Variants in LYPD6 observed in about 807,000 individuals in gnomAD.
The protein encoded by LYPD6 is LY6/PLAUR domain containing 6, also known as ly6/PLAUR domain-containing protein 6.
A neutral mutation model predicts 22.7 loss-of-function variants in LYPD6; 15 were observed. The observed-to-expected ratio is 0.66, with a 90% confidence interval of 0.44 to 1.02. LYPD6 has a LOEUF of 1.02. Ranked by LOEUF, LYPD6 falls within the 50% of genes least tolerant of loss-of-function variation. The pLI is 0.00. For synonymous variants in LYPD6, 72 were observed against 77.5 expected (o/e 0.93, Z 0.37); for missense variants, 189 against 208.4 (o/e 0.91, Z 0.57).
intron 1 of LYPD6, among the ~76,000 whole-genome samples, chr2:149,363,044 G>A (rs1235783483): frequency 1.3e-5 from 2 of 152,060 alleles, no homozygotes; most frequent in African/African-American, 4.8e-5. Flanking sequence ...AGAAGTATGG[G>A]GGCAGGTCAG....
At chr2:149,331,888 A>G (rs550371998) in intron 1 of LYPD6, among the ~76,000 whole-genome samples, 2 of 152,328 alleles carry the variant, frequency 1.3e-5, no homozygotes, top group East Asian at 1.9e-4. Flanking sequence ...CTGGCCAGCC[A>G]TTGCAGATGC....
At chr2:149,360,601 C>T (rs1291611979) in intron 1 of LYPD6, among the ~76,000 whole-genome samples, 1 of 149,828 alleles carries the variant, frequency 6.7e-6, no homozygotes, top group Admixed American at 6.6e-5. Context: ...TTAATTTAGT[C>T]TTTACTTGTT....
chr2:149,387,688 AC>A (rs1168895879), intron 1 of LYPD6, among the ~76,000 whole-genome samples: 1 of 152,192 alleles, frequency 6.6e-6, no homozygotes, highest in Non-Finnish European at 1.5e-5. Flanking sequence ...GACAATGAGC[AC>A]GAGGTGCTCC....
chr2:149,417,141 G>A (rs1242508344), intron 1 of LYPD6, among the ~76,000 whole-genome samples: 1 of 152,140 alleles, frequency 6.6e-6, no homozygotes, highest in Non-Finnish European at 1.5e-5. Context: ...TTATCACATG[G>A]GCAACACTCC....
At chr2:149,461,458 T>A (rs1681086285) in intron 3 of LYPD6, among the ~76,000 whole-genome samples, 1 of 151,878 alleles carries the variant, frequency 6.6e-6, no homozygotes, top group Non-Finnish European at 1.5e-5. Flanking sequence ...TTACCAAGTT[T>A]TAATAGAGGA....
chr2:149,413,108 A>C (rs1682888367), intron 1 of LYPD6, among the ~76,000 whole-genome samples: 1 of 152,154 alleles, frequency 6.6e-6, no homozygotes, highest in Non-Finnish European at 1.5e-5. Flanking sequence ...AAGGATCAAC[A>C]CATCTTTAAG....
chr2:149,399,098 T>TA lies in LYPD6; in HGVS notation c.-71-38530dup, dbSNP rs1041370658. On this transcript the variant is annotated intron_variant, in intron 1 of 4. Coordinates refer to ENST00000334166, the MANE Select transcript of LYPD6 (RefSeq NM_194317.5). ...GAATGGAGAATGAAGAGGAAGGTGT[T>TA]AAAAAAAAAATCAAGCAGTGGTGTT... 1.8e-3 allele frequency among the ~76,000 whole-genome samples: 268 copies of TA among 150,048 alleles called. 2 individuals are homozygous for TA. Among genetic ancestry groups the TA allele is most frequent in the Middle Eastern group, 6.9e-3 (2 of 290 alleles).
chr2:149,379,704 A>G (rs1281676359), intron 1 of LYPD6, among the ~76,000 whole-genome samples: 5 of 152,228 alleles, frequency 3.3e-5, no homozygotes, highest in Non-Finnish European at 7.3e-5. Flanking sequence ...GGCAAGGACT[A>G]GACATCTGAA....
intron 1 of LYPD6, among the ~76,000 whole-genome samples, chr2:149,365,122 A>T (rs113431914): frequency 0.012 from 1,844 of 152,270 alleles, 29 homozygotes; most frequent in African/African-American, 0.04. Flanking sequence ...TTGAACCACT[A>T]ATTCACAGTA....
chr2:149,399,599 AACT>A (rs1291772268), intron 1 of LYPD6, among the ~76,000 whole-genome samples: 3 of 151,978 alleles, frequency 2.0e-5, no homozygotes, highest in Non-Finnish European at 4.4e-5. Context: ...CATTGGAGTA[AACT>A]ATTGGCCCAG....
Position 149,471,844 on chromosome 2 carries a change from C to T in LYPD6, c.*994C>T, listed in dbSNP as rs1466842665. ...AGTTCATACTGCCAAAGAGCTCCCA[C>T]TTCCAAATCCCCAGTGACTTTATGG... On this transcript the variant is annotated 3_prime_UTR_variant, in exon 5 of 5. Transcript: ENST00000334166. 6.5e-6 allele frequency: 1 copy of T among 152,744 alleles called. No homozygotes were observed. Among genetic ancestry groups the T allele is most frequent in the South Asian group, 2.1e-4 (1 of 4,820 alleles). The allele number at this position is 152,744 out of a possible 1,614,324, so 9.5% of individuals were successfully genotyped here.
At chr2:149,383,455 A>T (rs1682113070) in intron 1 of LYPD6, among the ~76,000 whole-genome samples, 3 of 152,158 alleles carry the variant, frequency 2.0e-5, no homozygotes, top group African/African-American at 7.2e-5. Context: ...TAAACTCAAC[A>T]TCTGTTTAAC....
chr2:149,430,283 A>G (rs1270876634), intron 1 of LYPD6, among the ~76,000 whole-genome samples: 1 of 152,086 alleles, frequency 6.6e-6, no homozygotes, highest in Non-Finnish European at 1.5e-5. Flanking sequence ...TGTTTTTAGT[A>G]GAGATGGGGT....
At chr2:149,334,519 A>G (rs73966472) in intron 1 of LYPD6, among the ~76,000 whole-genome samples, 1,528 of 152,338 alleles carry the variant, frequency 0.01, 30 homozygotes, top group African/African-American at 0.034. Flanking sequence ...CCTAATCAGC[A>G]GACTAATTAC....
chr2:149,468,745 C>T lies in LYPD6; in HGVS notation c.318C>T (p.Gly106=), dbSNP rs544764439. ...CVPLEECLST[G]CRDSEHEGHK... ...CACTGGAAGAGTGCTTATCCACTGGCTGCAGAGACTCCGAGCATGAAGGCC... is the reference window on the plus strand; with the variant it reads ...CACTGGAAGAGTGCTTATCCACTGGTTGCAGAGACTCCGAGCATGAAGGCC... The change falls in exon 4 of 5, where the codon GGC becomes GGT. Residue 106 remains glycine, a synonymous_variant. Coordinates refer to ENST00000334166, the MANE Select transcript of LYPD6 (RefSeq NM_194317.5). 1.2e-3 allele frequency: 2,003 copies of T among 1,613,640 alleles called. 43 individuals carry two copies. The South Asian group carries it at 0.021, about 17-fold the overall frequency.
downstream of LYPD6, among the ~76,000 whole-genome samples, chr2:149,477,052 C>T (rs1681459149): frequency 6.6e-6 from 1 of 152,164 alleles, no homozygotes; most frequent in African/African-American, 2.4e-5. Context: ...CACTTCTGGA[C>T]TCACTCATGA....
At chr2:149,395,197 G>A (rs1265961040) in intron 1 of LYPD6, among the ~76,000 whole-genome samples, 1 of 151,858 alleles carries the variant, frequency 6.6e-6, no homozygotes, top group Non-Finnish European at 1.5e-5. Flanking sequence ...ACCTTGTCAC[G>A]TAGAAGCTTC....
At chr2:149,419,567 C>G (rs745419782) in intron 1 of LYPD6, among the ~76,000 whole-genome samples, 1 of 152,160 alleles carries the variant, frequency 6.6e-6, no homozygotes, top group Non-Finnish European at 1.5e-5. Flanking sequence ...AGAACATTTC[C>G]GTCATTACAG....
At chr2:149,344,904 G>T (rs1441846693) in intron 1 of LYPD6, among the ~76,000 whole-genome samples, 2 of 152,140 alleles carry the variant, frequency 1.3e-5, no homozygotes, top group Non-Finnish European at 2.9e-5. Context: ...AGAGAAAGAG[G>T]CAGGCATAGT....
Sources: gnomAD v4.1 joint callset for allele counts (sites outside exome capture counted in the v4.1 genomes callset) on GRCh38, gnomAD v4.1.1 for gene constraint, MANE v1.5 for transcripts, NCBI Gene and HGNC (gene_info 2026-07-23, HGNC 2026-07-21) for gene names.